Variants in RPH3AL observed in about 807,000 individuals in gnomAD.
The protein encoded by RPH3AL is rabphilin 3A like (without C2 domains).
In RPH3AL, 38 loss-of-function variants were observed where a neutral mutation model predicts 43.1. The ratio of observed to expected loss-of-function variants is 0.88; its 90% confidence interval spans 0.68 to 1.15. RPH3AL has a LOEUF of 1.15. Among genes scored for constraint, RPH3AL ranks in the 50% most tolerant of loss-of-function variants. RPH3AL has a pLI of 0.00. For synonymous variants in RPH3AL, 189 were observed against 176.3 expected (o/e 1.07, Z -0.57); for missense variants, 462 against 423.2 (o/e 1.09, Z -0.81).
intron 5 of RPH3AL, among the ~76,000 whole-genome samples, chr17:318,980 T>C (rs2044381942): frequency 6.6e-6 from 1 of 152,248 alleles, no homozygotes; most frequent in South Asian, 2.1e-4. Flanking sequence ...TAACATTTAT[T>C]GAGTGCCTAT....
At chr17:229,141 C>T (rs897266093) in intron 7 of RPH3AL, among the ~76,000 whole-genome samples, 11 of 152,226 alleles carry the variant, frequency 7.2e-5, no homozygotes, top group East Asian at 1.9e-4. Flanking sequence ...TCAATCCTCA[C>T]GGGCAAAATG....
chr17:222,786 A>C (rs986624968), intron 7 of RPH3AL, among the ~76,000 whole-genome samples: 4 of 152,162 alleles, frequency 2.6e-5, no homozygotes, highest in Non-Finnish European at 5.9e-5. Context: ...GACCCTGGCC[A>C]AGCAGGACAA....
intron 7 of RPH3AL, among the ~76,000 whole-genome samples, chr17:227,329 C>T (rs765192461): frequency 3.4e-5 from 5 of 147,208 alleles, no homozygotes; most frequent in African/African-American, 4.9e-5. Context: ...GTACACGGAG[C>T]GGGGGGAAGA....
At chr17:233,302 G>C (rs181603230) in intron 7 of RPH3AL, among the ~76,000 whole-genome samples, 1 of 152,192 alleles carries the variant, frequency 6.6e-6, no homozygotes, top group South Asian at 2.1e-4. Context: ...TGTAAGACAC[G>C]ACCGCTGGGA....
chr17:331,219 C>A (rs1157216647), intron 2 of RPH3AL: 4 of 46,626 alleles, frequency 8.6e-5, no homozygotes, highest in Non-Finnish European at 2.1e-4. Flanking sequence ...ATGTCCCCAC[C>A]CCTCTCACTG....
intron 6 of RPH3AL, among the ~76,000 whole-genome samples, chr17:275,493 G>A (rs1258654058): frequency 6.6e-6 from 1 of 152,062 alleles, no homozygotes; most frequent in African/African-American, 2.4e-5. Flanking sequence ...CTGCAGTGGG[G>A]TAACGACTCC....
intron 6 of RPH3AL, among the ~76,000 whole-genome samples, chr17:251,044 G>A (rs1392238764): frequency 6.6e-6 from 1 of 152,232 alleles, no homozygotes; most frequent in Non-Finnish European, 1.5e-5. Context: ...TAATGGGTCT[G>A]CATGGACTCG....
chr17:259,714 G>A (rs981427967), intron 6 of RPH3AL, among the ~76,000 whole-genome samples: 1 of 152,218 alleles, frequency 6.6e-6, no homozygotes, highest in Admixed American at 6.5e-5. Context: ...CCGCCGTGGC[G>A]GTGGCCGGGG....
In RPH3AL at chr17:245,826, A is replaced by G. The variant is rs547509212; in HGVS notation, c.613+1285T>C. ...GGCCTGCACCCCCTCCTCCTGAGGG[A>G]CTCCCCGCCTGCACGGTCTCCACTG... On this transcript the variant is annotated intron_variant, in intron 7 of 9. Coordinates refer to ENST00000331302, the MANE Select transcript of RPH3AL (RefSeq NM_006987.4). This position sits in a 1 kb window ranked among gnomAD's most constrained non-coding sequence, Gnocchi z 5.9. Among the ~76,000 whole-genome samples, 2 of 151,698 alleles carry G rather than the reference A, an allele frequency of 1.3e-5. No individual in the cohort carries two copies. Among genetic ancestry groups the G allele is most frequent in the East Asian group, 3.9e-4 (2 of 5,124 alleles).
intron 7 of RPH3AL, among the ~76,000 whole-genome samples, chr17:223,197 A>AC (rs2041031648): frequency 1.5e-4 from 1 of 6,672 alleles, no homozygotes; most frequent in South Asian, 7.8e-3. Context: ...CTCAAAAAAG[A>AC]AAAAAAAAAA....
intron 8 of RPH3AL, among the ~76,000 whole-genome samples, chr17:219,218 G>A (rs1481641643): frequency 1.8e-4 from 2 of 11,326 alleles, no homozygotes; most frequent in Non-Finnish European, 3.2e-4. Context: ...TTTTTTTTTT[G>A]AGATGGAGTC....
intron 7 of RPH3AL, among the ~76,000 whole-genome samples, chr17:224,319 G>A (rs940468319): frequency 5.9e-5 from 9 of 152,266 alleles, no homozygotes; most frequent in African/African-American, 1.4e-4. Context: ...TGCATCCCAC[G>A]CCACCTGCTG....
chr17:251,453 C>A (rs1390048458), intron 6 of RPH3AL, among the ~76,000 whole-genome samples: 2 of 152,234 alleles, frequency 1.3e-5, no homozygotes, highest in Non-Finnish European at 2.9e-5. Flanking sequence ...CCAAAGCCAG[C>A]ACACCCCTCT....
chr17:253,710 G>A lies in RPH3AL; in HGVS notation c.439-6425C>T, dbSNP rs576715800. ...CTACGTACTTCCTATGAGGGGAGCCGCACGGCGTCTGTCCTTTTCCATCCC... is the reference window on the plus strand; with the variant it reads ...CTACGTACTTCCTATGAGGGGAGCCACACGGCGTCTGTCCTTTTCCATCCC... On this transcript the variant is annotated intron_variant, in intron 6 of 9. Coordinates refer to ENST00000331302, the MANE Select transcript of RPH3AL (RefSeq NM_006987.4). 1.5e-3 allele frequency among the ~76,000 whole-genome samples: 202 copies of A among 135,406 alleles called. 8 individuals are homozygous for A. Among genetic ancestry groups the A allele is most frequent in the East Asian group, 0.011 (52 of 4,564 alleles). The allele number at this position is 135,406 out of a possible 152,430, so 88.8% of individuals were successfully genotyped here.
rs374213378 is a variant in RPH3AL at position 253,554 on chromosome 17, G to A, written c.439-6269C>T. Among the ~76,000 whole-genome samples the A allele has an allele frequency of 6.0e-4, 91 of 152,192 alleles. No individual in the cohort carries two copies. In the South Asian group the frequency reaches 0.017, roughly 29 times the overall value. On this transcript the variant is annotated intron_variant, in intron 6 of 9. Transcript: ENST00000331302. ...TATTAAAGTATTCATAACATCAAACGTATCACCTGAAGTGCAACCCATCTC... is the reference window on the plus strand; with the variant it reads ...TATTAAAGTATTCATAACATCAAACATATCACCTGAAGTGCAACCCATCTC...
At chr17:272,812 C>G (rs1019564160) in intron 6 of RPH3AL, among the ~76,000 whole-genome samples, 47 of 150,828 alleles carry the variant, frequency 3.1e-4, no homozygotes, top group African/African-American at 1.1e-3. Flanking sequence ...TAAGACCAAC[C>G]CTGTGAAGCC....
chr17:241,067 TAATAATAATAATAATAATA>T (rs1484933500), intron 7 of RPH3AL, among the ~76,000 whole-genome samples: 1 of 12,758 alleles, frequency 7.8e-5, no homozygotes, highest in Non-Finnish European at 1.8e-4. Flanking sequence ...ATAATAATAA[TAATAATAATAATAATAATA>T]ATAATAATAA....
At chr17:277,408 A>G (rs998892204) in intron 6 of RPH3AL, among the ~76,000 whole-genome samples, 5 of 152,254 alleles carry the variant, frequency 3.3e-5, no homozygotes, top group Admixed American at 6.5e-5. Context: ...TATTAATTTT[A>G]TAATCAGAAA....
chr17:258,765 T>G (rs1371780073), intron 6 of RPH3AL, among the ~76,000 whole-genome samples: 11 of 149,918 alleles, frequency 7.3e-5, no homozygotes, highest in Non-Finnish European at 1.5e-5. Context: ...CCGTTTTTTT[T>G]TTTTTTTTTT....
Sources: allele counts gnomAD v4.1 joint callset (sites outside exome capture counted in the v4.1 genomes callset), GRCh38; gene constraint gnomAD v4.1.1; non-coding constraint Gnocchi (gnomAD v3.1); transcripts MANE v1.5; gene names NCBI Gene and HGNC (gene_info 2026-07-23, HGNC 2026-07-21).